Variants in MCTP2 observed in about 807,000 individuals in gnomAD.
MCTP2 encodes the protein multiple C2 and transmembrane domain-containing protein 2.
In MCTP2, 132 loss-of-function variants were observed where a neutral mutation model predicts 111.6. The ratio of observed to expected loss-of-function variants is 1.18; its 90% CI spans 1.03 to 1.37. The LOEUF (loss-of-function observed/expected upper bound fraction) is 1.37, where lower values mean the gene tolerates loss of function less well. MCTP2 is among the 40% of genes most tolerant of loss of function. The pLI, the probability that MCTP2 is intolerant of heterozygous loss-of-function variation, is 0.00. For synonymous variants in MCTP2, 395 were observed against 387.7 expected (o/e 1.02, Z -0.22); for missense variants, 1,183 against 1,067.9 (o/e 1.11, Z -1.50).
intron 18 of MCTP2, 137 bp from the exon 19 acceptor site, chr15:94,442,782 T>C (rs1596726365): frequency 8.8e-6 from 6 of 681,600 alleles, no homozygotes; most frequent in East Asian, 2.6e-5. Context: ...AAAAGAGTTA[T>C]TGTTTAAGAG....
intron 10 of MCTP2, among the ~76,000 whole-genome samples, chr15:94,359,093 C>T (rs1184579245): frequency 3.3e-5 from 5 of 152,134 alleles, no homozygotes; most frequent in Non-Finnish European, 5.9e-5. Flanking sequence ...TCAACTGAGA[C>T]ACTCACATGT....
At chr15:94,397,176 T>C (rs1027487293) in intron 14 of MCTP2, among the ~76,000 whole-genome samples, 4 of 152,228 alleles carry the variant, frequency 2.6e-5, no homozygotes, top group African/African-American at 9.6e-5. Flanking sequence ...TGGGTTTAAT[T>C]CTATCTCAGG....
intron 19 of MCTP2, among the ~76,000 whole-genome samples, chr15:94,449,665 CAG>C (rs1215207616): frequency 1.3e-5 from 2 of 152,168 alleles, no homozygotes; most frequent in Admixed American, 6.5e-5. Context: ...TGTTGGGAAA[CAG>C]AGGAGAAATG....
At chr15:94,400,111 C>A in intron 16 of MCTP2, 116 bp downstream of exon 16, 2 of 806,830 alleles carry the variant, frequency 2.5e-6, no homozygotes, top group Non-Finnish European at 4.1e-6. Flanking sequence ...TACTCCTCCT[C>A]TCTCCCTCTT....
chr15:94,313,561 C>T (rs1044003765), intron 2 of MCTP2, among the ~76,000 whole-genome samples: 2 of 152,130 alleles, frequency 1.3e-5, no homozygotes, highest in South Asian at 4.2e-4. Flanking sequence ...ATTATCCAGG[C>T]GTTGTTACAG....
intron 2 of MCTP2, among the ~76,000 whole-genome samples, chr15:94,306,167 ACTC>A (rs1202752351): frequency 6.6e-6 from 1 of 151,988 alleles, no homozygotes; most frequent in South Asian, 2.1e-4. Context: ...CTTGAAGAGA[ACTC>A]CTTTTGAGAA....
chr15:94,373,700 A>AT (rs941312492), intron 12 of MCTP2, among the ~76,000 whole-genome samples: 2 of 152,134 alleles, frequency 1.3e-5, no homozygotes, highest in African/African-American at 2.4e-5. Flanking sequence ...GGTAAAAGCT[A>AT]TTTTTTCTCA....
intron 4 of MCTP2, among the ~76,000 whole-genome samples, chr15:94,334,698 G>C (rs887856601): frequency 6.6e-6 from 1 of 151,898 alleles, no homozygotes; most frequent in African/African-American, 2.4e-5. Flanking sequence ...ACCACAACCA[G>C]CTAATTTTTT....
chr15:94,479,140 C>A lies in MCTP2; in HGVS notation c.*106C>A. Reference sequence around the variant, plus strand: ...CCAAGGTGTCCTTCTGAAATGCATGCCCTGTGGCACCCTCTGTATACTTCC... The same window carrying A: ...CCAAGGTGTCCTTCTGAAATGCATGACCTGTGGCACCCTCTGTATACTTCC... On this transcript the variant is annotated 3_prime_UTR_variant, in exon 23 of 23. Coordinates refer to ENST00000357742, the MANE Select transcript of MCTP2 (RefSeq NM_001385001.1). 2 of 1,010,580 alleles carry A rather than the reference C, an allele frequency of 2.0e-6. No homozygotes were observed. Among genetic ancestry groups the A allele is most frequent in the African/African-American group, 1.6e-5 (1 of 63,142 alleles). 62.6% of individuals were successfully genotyped at this position (1,010,580 alleles called of 1,614,324 possible).
chr15:94,287,135 T>C (rs112482027), intron 1 of MCTP2, among the ~76,000 whole-genome samples: 1,528 of 152,318 alleles, frequency 0.01, 25 homozygotes, highest in African/African-American at 0.034. Flanking sequence ...CTTAGATTTA[T>C]TATTTCTTTA....
At chr15:94,244,276 A>T (rs986401393) in intron 1 of MCTP2, among the ~76,000 whole-genome samples, 6 of 132,588 alleles carry the variant, frequency 4.5e-5, no homozygotes, top group Non-Finnish European at 8.6e-5. Flanking sequence ...ATATACACAC[A>T]TATATACACA....
At chr15:94,435,439 A>T (rs1271406771) in intron 17 of MCTP2, among the ~76,000 whole-genome samples, 5 of 152,116 alleles carry the variant, frequency 3.3e-5, no homozygotes, top group South Asian at 4.1e-4. Context: ...GAAATTAAAA[A>T]TTTTTATTTT....
chr15:94,448,121 C>T (rs992802900), intron 19 of MCTP2, among the ~76,000 whole-genome samples: 8 of 152,050 alleles, frequency 5.3e-5, no homozygotes, highest in African/African-American at 1.2e-4. Context: ...TCCTGTAGTC[C>T]GCTGGCAAAT....
chr15:94,401,924 G>A lies in MCTP2; in HGVS notation c.1990G>A (p.Val664Met). 6.2e-7 allele frequency: 1 copy of A among 1,612,626 alleles called. No individual in the cohort carries two copies. Residue 664 changes from valine (V) to methionine (M), a missense_variant, in exon 17 of 23, where the codon GTG becomes ATG. Coordinates refer to ENST00000357742, the MANE Select transcript of MCTP2 (RefSeq NM_001385001.1). ...GATCTTATCAAGAGATGTGGACCGT[G>A]TGAAAAGAATCACTATGGCAATATG... ...KKILSRDVDRVKRITMAIWNT... is the reference protein window; with the variant it reads ...KKILSRDVDRMKRITMAIWNT...
At chr15:94,467,455 CT>C (rs765976641) in intron 20 of MCTP2, among the ~76,000 whole-genome samples, 15 of 131,900 alleles carry the variant, frequency 1.1e-4, no homozygotes, top group Non-Finnish European at 1.8e-4. Flanking sequence ...AATATAAAGT[CT>C]TTATTTTATA....
At chr15:94,322,016 A>G (rs1409300088) in intron 4 of MCTP2, among the ~76,000 whole-genome samples, 1 of 152,236 alleles carries the variant, frequency 6.6e-6, no homozygotes, top group African/African-American at 2.4e-5. Flanking sequence ...GTGAAAGACC[A>G]GGGTTTGGTC....
chr15:94,478,809 T>C lies in MCTP2; in HGVS notation c.2569-157T>C, dbSNP rs571045999. 2.0e-5 allele frequency among the ~76,000 whole-genome samples: 3 copies of C among 152,350 alleles called. No individual in the cohort carries two copies. In the South Asian group the frequency reaches 6.2e-4, roughly 32 times the overall value. On this transcript the variant is annotated intron_variant, in intron 22 of 22. Transcript: ENST00000357742. ...GATGCATGACTTCTCAAATCCTTCC[T>C]GCAATTAATCCCTCCATGTTCCTGT...
chr15:94,249,729 C>T lies in MCTP2; in HGVS notation c.-66+18065C>T, dbSNP rs184666204. Reference sequence around the variant, plus strand: ...CTCGATCTCCTGACCTCGTGATCCACCCACCTCAGCCTCCCAAAGTGCTGG... The same window carrying T: ...CTCGATCTCCTGACCTCGTGATCCATCCACCTCAGCCTCCCAAAGTGCTGG... On this transcript the variant is annotated intron_variant, in intron 1 of 22. Transcript: ENST00000357742. Among the ~76,000 whole-genome samples, 292 of 152,234 alleles carry T rather than the reference C, an allele frequency of 1.9e-3. 1 individual carries two copies. Among genetic ancestry groups the T allele is most frequent in the African/African-American group, 6.6e-3 (275 of 41,530 alleles).
intron 12 of MCTP2, among the ~76,000 whole-genome samples, chr15:94,372,621 A>G (rs909508118): frequency 5.3e-5 from 8 of 152,166 alleles, no homozygotes; most frequent in Non-Finnish European, 7.3e-5. Context: ...GTGTCATTGG[A>G]TCAGGATCAG....
Sources: allele counts gnomAD v4.1 joint callset (sites outside exome capture counted in the v4.1 genomes callset), GRCh38; gene constraint gnomAD v4.1.1; transcripts MANE v1.5; gene names NCBI Gene and HGNC (gene_info 2026-07-23, HGNC 2026-07-21).